Variants in MAPK8IP3 observed in about 807,000 individuals in gnomAD.
MAPK8IP3 encodes C-Jun-amino-terminal kinase-interacting protein 3.
A neutral mutation model predicts 157.8 loss-of-function variants in MAPK8IP3; 49 were observed. That is an observed-to-expected ratio of 0.31 (90% CI 0.25 to 0.39). The LOEUF (loss-of-function observed/expected upper bound fraction) is 0.39, where lower values mean the gene tolerates loss of function less well. MAPK8IP3 is among the 10% of genes least tolerant of loss of function. MAPK8IP3 has a pLI of 1.00. For synonymous variants in MAPK8IP3, 897 were observed against 777.7 expected (o/e 1.15, Z -2.55); for missense variants, 1,478 against 1,889.4 (o/e 0.78, Z 4.04).
intron 4 of MAPK8IP3, among the ~76,000 whole-genome samples, chr16:1,735,956 GCCCA>G (rs2039724602): frequency 1.4e-5 from 2 of 140,306 alleles, no homozygotes; most frequent in East Asian, 2.2e-4. Context: ...GAGTGTGACC[GCCCA>G]TGTGAGCATC....
chr16:1,739,193 A>T (rs1266378311), intron 4 of MAPK8IP3, among the ~76,000 whole-genome samples: 80 of 110,026 alleles, frequency 7.3e-4, no homozygotes, highest in African/African-American at 3.0e-3. Context: ...CATCCGTGTG[A>T]CCGTCCGTGT....
intron 8 of MAPK8IP3, among the ~76,000 whole-genome samples, chr16:1,755,314 G>A (rs1294958017): frequency 1.3e-5 from 2 of 152,170 alleles, no homozygotes; most frequent in Admixed American, 6.5e-5. Flanking sequence ...TGACCTCCCC[G>A]TAAACAGCAG....
At chr16:1,765,665 G>A (rs536434611) in intron 20 of MAPK8IP3, among the ~76,000 whole-genome samples, 19 of 152,324 alleles carry the variant, frequency 1.2e-4, no homozygotes, top group African/African-American at 3.8e-4. Context: ...CCACAGGGCC[G>A]TCTGGGGTCC....
chr16:1,756,766 A>G (rs8050777), intron 8 of MAPK8IP3, among the ~76,000 whole-genome samples: 10,527 of 151,958 alleles, frequency 0.069, 1,005 homozygotes, highest in African/African-American at 0.21. Context: ...ACGTTGCAGT[A>G]AGCTATGATA....
chr16:1,730,729 G>A (rs911381064), intron 4 of MAPK8IP3, among the ~76,000 whole-genome samples: 3 of 151,974 alleles, frequency 2.0e-5, no homozygotes, highest in African/African-American at 7.3e-5. Context: ...TGTAGTTCCA[G>A]CTATTCTGGA....
intron 4 of MAPK8IP3, among the ~76,000 whole-genome samples, chr16:1,737,110 G>T (rs1244984330): frequency 1.1e-5 from 1 of 90,782 alleles, no homozygotes; most frequent in Non-Finnish European, 2.2e-5. Flanking sequence ...ATCCATGTGA[G>T]CATCTGTGTG....
Position 1,706,207 on chromosome 16 carries a change from G to GGCGGCGGCGGAGCCCT in MAPK8IP3, c.-131_-116dup. ...GAGTGACGGGCGCAGCCTCGGCAGC[G>GGCGGCGGCGGAGCCCT]GCGGCGGCGGAGCCCTGAGGCGACA... On this transcript the variant is annotated 5_prime_UTR_variant, in exon 1 of 32. Coordinates refer to ENST00000610761, the MANE Select transcript of MAPK8IP3 (RefSeq NM_001318852.2). This position sits in a 1 kb window ranked among gnomAD's most constrained non-coding sequence, Gnocchi z 5.1. 1.5e-6 allele frequency: 1 copy of GGCGGCGGCGGAGCCCT among 669,362 alleles called. No homozygotes were observed. The highest frequency in any genetic ancestry group is 2.1e-6 in the Non-Finnish European group (1 of 474,810). The allele number at this position is 669,362 out of a possible 1,614,324, so 41.5% of individuals were successfully genotyped here.
In MAPK8IP3 at chr16:1,738,524, ATC is replaced by A. The variant is rs1423573631; in HGVS notation, c.603-4806_603-4805del. On this transcript the variant is annotated intron_variant, in intron 4 of 31. Transcript: ENST00000610761. ...CGTGTGTGTGACCATCCATGTGAGC[ATC>A]TGTGTGACTGTCCGTGTGAGCATCC... Among the ~76,000 whole-genome samples the A allele has an allele frequency of 6.4e-5, 6 of 93,132 alleles. No individual in the cohort carries two copies. In the East Asian group the frequency reaches 1.1e-3, roughly 16 times the overall value. The allele number at this position is 93,132 out of a possible 152,430, so 61.1% of individuals were successfully genotyped here. A position where few individuals can be genotyped will look rare whatever the true frequency, so the allele number is the denominator to read the frequency against.
At chr16:1,736,558 G>A (rs576433725) in intron 4 of MAPK8IP3, among the ~76,000 whole-genome samples, 5 of 66,632 alleles carry the variant, frequency 7.5e-5, no homozygotes, top group Non-Finnish European at 8.3e-5. Context: ...GCGTGTGACT[G>A]TCCGTGTGTG....
chr16:1,706,287 G>A lies in MAPK8IP3; in HGVS notation c.-53G>A. ...TGCGGAACCTGAGGCAGCTGGGGAG[G>A]GCCGGGCGCGCCGGCCGGATAGCGA... On this transcript the variant is annotated 5_prime_UTR_variant, in exon 1 of 32. Transcript: ENST00000610761. This position sits in a 1 kb window ranked among gnomAD's most constrained non-coding sequence, Gnocchi z 5.1. 1.4e-6 allele frequency: 2 copies of A among 1,475,798 alleles called. No individual in the cohort carries two copies. Among genetic ancestry groups the A allele is most frequent in the Non-Finnish European group, 1.8e-6 (2 of 1,112,450 alleles). The allele number at this position is 1,475,798 out of a possible 1,614,324, so 91.4% of individuals were successfully genotyped here.
At chr16:1,758,641 C>T (rs762314191) in intron 9 of MAPK8IP3, among the ~76,000 whole-genome samples, 1 of 152,362 alleles carries the variant, frequency 6.6e-6, no homozygotes, top group Admixed American at 6.5e-5. Context: ...GCCCCCCAGC[C>T]TCCAGGCACA....
chr16:1,717,359 A>T (rs1036915564), intron 1 of MAPK8IP3, among the ~76,000 whole-genome samples: 6 of 152,236 alleles, frequency 3.9e-5, no homozygotes, highest in Middle Eastern at 3.2e-3. Flanking sequence ...TACATCTTAA[A>T]AACATGTCTA....
rs1029897184 is a variant in MAPK8IP3 at position 1,729,509 on chromosome 16, A to G, written c.533A>G (p.His178Arg). ...CAGATGATACAGACCTACGTGGAGC[A>G]CATTGAGAGGTCCAAGATGCAGCAG... The part of the protein sequence containing the change: ...HTEMIQTYVE[H>R]IERSKMQQVG... The change falls in exon 4 of 32, where the codon CAC becomes CGC. Residue 178 changes from histidine to arginine, a missense_variant. By Grantham distance (29) the His-to-Arg change is conservative. Coordinates refer to ENST00000610761, the MANE Select transcript of MAPK8IP3 (RefSeq NM_001318852.2). 3.7e-6 allele frequency: 6 copies of G among 1,612,956 alleles called. No homozygotes were observed. The African/African-American group carries it at 8.0e-5, about 22-fold the overall frequency.
At chr16:1,756,706 C>T (rs545805315) in intron 8 of MAPK8IP3, among the ~76,000 whole-genome samples, 1 of 151,912 alleles carries the variant, frequency 6.6e-6, no homozygotes, top group East Asian at 1.9e-4. Flanking sequence ...CCTGTAGACT[C>T]AGCTACTCAG....
chr16:1,707,316 G>T (rs1567129427), intron 1 of MAPK8IP3: 1 of 152,228 alleles, frequency 6.6e-6, no homozygotes, highest in Non-Finnish European at 1.5e-5. Flanking sequence ...CCGCAGGCGG[G>T]CTGCTCCTCT....
In MAPK8IP3 at chr16:1,710,164, G is replaced by A. The variant is rs1252616318; in HGVS notation, c.318+3507G>A. Among the ~76,000 whole-genome samples, 2 of 152,008 alleles carry A rather than the reference G, an allele frequency of 1.3e-5. No individual in the cohort carries two copies. The highest frequency in any genetic ancestry group is 2.9e-5 in the Non-Finnish European group (2 of 67,992). On this transcript the variant is annotated intron_variant, in intron 1 of 31. Coordinates refer to ENST00000610761, the MANE Select transcript of MAPK8IP3 (RefSeq NM_001318852.2). The surrounding 1 kb of genome is among the most constrained non-coding windows in gnomAD (Gnocchi z 4.1). ...GATGAGGTCACGCTATGTTGCCCAG[G>A]CTGGTCTCAAACTCCTGGACTCAAG... is the stretch of plus-strand genomic sequence containing the variant.
rs773699315 is a variant in MAPK8IP3, at chr16:1,767,679, A to G, written c.3353A>G (p.His1118Arg). ...LDSTLRLYHA[H>R]THQHLQDVDI... ...TCCACCCTGAGGCTCTACCATGCAC[A>G]CACGCACCAGCATCTACAGGACGTG... Residue 1118 changes from histidine (H) to arginine (R), a missense_variant, in exon 27 of 32, where the codon CAC becomes CGC. By Grantham distance (29) the His-to-Arg change is conservative (BLOSUM62 0). Coordinates refer to ENST00000610761, the MANE Select transcript of MAPK8IP3 (RefSeq NM_001318852.2). 1.2e-6 allele frequency: 2 copies of G among 1,612,776 alleles called. No homozygotes were observed. Among genetic ancestry groups the G allele is most frequent in the South Asian group, 2.2e-5 (2 of 91,076 alleles).
rs2042442311 is a variant in MAPK8IP3, at chr16:1,768,786, C to T, written c.3976C>T (p.His1326Tyr). ...KPVLSKAERS[H>Y]IIVWQVSYTP... is the part of the protein sequence containing the mutation. ...CGTGCTGTCCAAGGCAGAGCGCAGTCACATCATCGTGTGGCAGGTGTCCTA... is the reference window on the plus strand; with the variant it reads ...CGTGCTGTCCAAGGCAGAGCGCAGTTACATCATCGTGTGGCAGGTGTCCTA... The change falls in exon 32 of 32, where the codon CAC (histidine) becomes TAC (tyrosine). Residue 1326 changes from histidine to tyrosine, a missense_variant. His to Tyr is a moderately conservative substitution (Grantham distance 83). Coordinates refer to ENST00000610761, the MANE Select transcript of MAPK8IP3 (RefSeq NM_001318852.2). The T allele has an allele frequency of 6.2e-7, 1 of 1,612,580 alleles. No homozygotes were observed. Among genetic ancestry groups the T allele is most frequent in the African/African-American group, 1.3e-5 (1 of 74,908 alleles).
chr16:1,712,149 C>T (rs1294450088), intron 1 of MAPK8IP3, among the ~76,000 whole-genome samples: 1 of 148,498 alleles, frequency 6.7e-6, no homozygotes. Context: ...GCAAGCTCCA[C>T]CTCCCAGGTT....
Sources: gnomAD v4.1 joint callset for allele counts (sites outside exome capture counted in the v4.1 genomes callset) on GRCh38, gnomAD v4.1.1 for gene constraint, Gnocchi (gnomAD v3.1) non-coding constraint, MANE v1.5 for transcripts, NCBI Gene and HGNC (gene_info 2026-07-23, HGNC 2026-07-21) for gene names.